The following CNBD1 variants were observed in gnomAD, a reference collection of about 807,000 sequenced individuals.
CNBD1 encodes cyclic nucleotide-binding domain-containing protein 1.
In CNBD1, 71 loss-of-function variants were observed where a neutral mutation model predicts 54.4. That is an observed-to-expected ratio of 1.30 (90% CI 1.08 to 1.59). The LOEUF is 1.59. Ranked by LOEUF, CNBD1 falls within the 40% of genes most tolerant of loss-of-function variation. CNBD1 has a pLI of 0.00. For synonymous variants in CNBD1, 182 were observed against 170.7 expected, an observed-to-expected ratio of 1.07 and a Z score of -0.51; for missense variants, 659 against 518.0, an observed-to-expected ratio of 1.27 and a Z score of -2.64.
At chr8:87,095,102 A>G (rs1278302094) in intron 4 of CNBD1, among the ~76,000 whole-genome samples, 2 of 152,252 alleles carry the variant, frequency 1.3e-5, no homozygotes, top group South Asian at 2.1e-4. Flanking sequence ...TAAACATCAT[A>G]TTCACAATAG....
chr8:87,077,577 C>T (rs1486045502), intron 4 of CNBD1, among the ~76,000 whole-genome samples: 2 of 128,336 alleles, frequency 1.6e-5, no homozygotes, highest in East Asian at 2.6e-4. Flanking sequence ...ATCCCTCTAC[C>T]GCATGACAGG....
chr8:87,337,364 C>G (rs979559878), intron 8 of CNBD1, among the ~76,000 whole-genome samples: 1 of 152,156 alleles, frequency 6.6e-6, no homozygotes, highest in Admixed American at 6.5e-5. Flanking sequence ...TCCTCAGACC[C>G]AGGGAGATCA....
At position 87,130,101 on chromosome 8, in the gene CNBD1, C is replaced by T. The variant is rs113429841; in HGVS notation, c.432-75892C>T. 6.1e-4 allele frequency among the ~76,000 whole-genome samples: 93 copies of T among 152,214 alleles called. 1 individual carries two copies. The highest frequency in any genetic ancestry group is 2.2e-3 in the African/African-American group (92 of 41,536). The stretch of plus-strand genomic sequence containing the variant: ...AAGGCCTGCCCCCATGATTCAATTA[C>T]CTCCCACCAGTTCCCTCCCACAACA... On this transcript the variant is annotated intron_variant, in intron 4 of 10. Coordinates refer to ENST00000518476, the MANE Select transcript of CNBD1 (RefSeq NM_173538.3).
intron 4 of CNBD1, among the ~76,000 whole-genome samples, chr8:87,050,378 G>A (rs1810287793): frequency 6.6e-6 from 1 of 152,160 alleles, no homozygotes; most frequent in Non-Finnish European, 1.5e-5. Context: ...TCTTAGCTAG[G>A]AAATTAAGAA....
chr8:87,220,231 C>T (rs541599244), intron 5 of CNBD1, among the ~76,000 whole-genome samples: 2 of 151,704 alleles, frequency 1.3e-5, no homozygotes, highest in South Asian at 4.1e-4. Flanking sequence ...TTCTCATTTC[C>T]GTGTTTATTC....
chr8:87,109,037 T>C (rs1243438504), intron 4 of CNBD1, among the ~76,000 whole-genome samples: 1 of 152,188 alleles, frequency 6.6e-6, no homozygotes, highest in Non-Finnish European at 1.5e-5. Flanking sequence ...TTTAACTGAC[T>C]GAGAAAGTTA....
At position 87,306,544 on chromosome 8, in the gene CNBD1, A is replaced by G. The variant is rs936584702; in HGVS notation, c.1042+19873A>G. ...TGGATAAAGTAGCTGTGATGATGGA[A>G]TACTGCACAGTAGTATATGATGGAA... On this transcript the variant is annotated intron_variant, in intron 8 of 10. Transcript: ENST00000518476. 1.2e-4 allele frequency among the ~76,000 whole-genome samples: 19 copies of G among 152,206 alleles called. No individual in the cohort carries two copies. In the East Asian group the frequency reaches 1.5e-3, roughly 12 times the overall value.
chr8:87,324,717 C>T (rs188592314), intron 8 of CNBD1, among the ~76,000 whole-genome samples: 7,771 of 150,522 alleles, frequency 0.052, 228 homozygotes, highest in African/African-American at 0.058. Flanking sequence ...GTCTTGCTAG[C>T]GGTCTATCAA....
chr8:87,081,723 G>C (rs559607734), intron 4 of CNBD1, among the ~76,000 whole-genome samples: 4 of 151,900 alleles, frequency 2.6e-5, no homozygotes, highest in Non-Finnish European at 4.4e-5. Flanking sequence ...GGCCAGGATG[G>C]TCTCGATCTC....
intron 6 of CNBD1, among the ~76,000 whole-genome samples, chr8:87,276,566 A>G (rs1808484308): frequency 6.6e-6 from 1 of 151,880 alleles, no homozygotes; most frequent in Admixed American, 6.6e-5. Flanking sequence ...AAAGAAGCTC[A>G]GTTGCTTCAA....
rs1031164511 is a variant in CNBD1, at chr8:86,966,649, C to T, written c.431+26895C>T. 2.0e-5 allele frequency among the ~76,000 whole-genome samples: 3 copies of T among 152,224 alleles called. No homozygotes were observed. The East Asian group carries it at 5.8e-4, about 29-fold the overall frequency. On this transcript the variant is annotated intron_variant, in intron 4 of 10. Transcript: ENST00000518476. Reference sequence around the variant, plus strand: ...CAGACCTTTGCGGTGAGTGTTACAGCTCTTAAAGGTGGCGCGTCTGGAGTT... The same window carrying T: ...CAGACCTTTGCGGTGAGTGTTACAGTTCTTAAAGGTGGCGCGTCTGGAGTT...
intron 4 of CNBD1, among the ~76,000 whole-genome samples, chr8:86,977,158 C>T (rs1808361773): frequency 6.6e-6 from 1 of 151,908 alleles, no homozygotes; most frequent in Admixed American, 6.6e-5. Context: ...TAGCTGTTGC[C>T]TTGTCACCTA....
At chr8:87,320,184 T>C (rs977978697) in intron 8 of CNBD1, among the ~76,000 whole-genome samples, 2 of 152,124 alleles carry the variant, frequency 1.3e-5, no homozygotes, top group African/African-American at 4.8e-5. Flanking sequence ...AACTCTCTTA[T>C]ACTAGCTTAA....
At chr8:87,303,582 G>T (rs577935717) in intron 8 of CNBD1, among the ~76,000 whole-genome samples, 3 of 152,222 alleles carry the variant, frequency 2.0e-5, no homozygotes, top group Admixed American at 2.0e-4. Context: ...CATGGGCAAG[G>T]TCTTCATGTC....
chr8:87,186,886 T>C (rs1259244041), intron 4 of CNBD1, among the ~76,000 whole-genome samples: 1 of 152,048 alleles, frequency 6.6e-6, no homozygotes, highest in Non-Finnish European at 1.5e-5. Context: ...CTAACCACCT[T>C]AGCTGACCTA....
intron 10 of CNBD1, among the ~76,000 whole-genome samples, chr8:87,371,535 A>T (rs891897906): frequency 6.6e-6 from 1 of 152,002 alleles, no homozygotes; most frequent in Non-Finnish European, 1.5e-5. Context: ...ACACAACCAA[A>T]AAAGAGAATT....
At chr8:87,146,187 T>A (rs1812484026) in intron 4 of CNBD1, among the ~76,000 whole-genome samples, 1 of 152,158 alleles carries the variant, frequency 6.6e-6, no homozygotes, top group Admixed American at 6.5e-5. Flanking sequence ...AGACTTTTCT[T>A]TCTTCCAAGT....
intron 4 of CNBD1, among the ~76,000 whole-genome samples, chr8:86,980,328 C>T (rs1014971180): frequency 6.6e-6 from 1 of 152,206 alleles, no homozygotes; most frequent in African/African-American, 2.4e-5. Context: ...AGCTTATGCC[C>T]TCTCTGACAT....
downstream of CNBD1, among the ~76,000 whole-genome samples, chr8:87,385,713 G>A (rs1012516416): frequency 2.0e-5 from 3 of 152,162 alleles, no homozygotes; most frequent in Non-Finnish European, 4.4e-5. Flanking sequence ...CAATCAAAAG[G>A]CAGCAGAAAA....
Sources: allele counts gnomAD v4.1 joint callset (sites outside exome capture counted in the v4.1 genomes callset), GRCh38; gene constraint gnomAD v4.1.1; transcripts MANE v1.5; gene names NCBI Gene and HGNC (gene_info 2026-07-23, HGNC 2026-07-21).